Variants in IGSF10 observed in about 807,000 individuals in gnomAD.
IGSF10 encodes immunoglobulin superfamily member 10.
IGSF10 carries 126 observed loss-of-function variants against 128.2 expected under a neutral mutation model. The observed-to-expected ratio is 0.98, with a 90% confidence interval of 0.85 to 1.14. The LOEUF is 1.14. Among genes scored for constraint, IGSF10 ranks in the 50% most tolerant of loss-of-function variants. The pLI, the probability that IGSF10 is intolerant of heterozygous loss-of-function variation, is 0.00. For synonymous variants in IGSF10, 1,185 were observed against 1,146.2 expected (o/e 1.03, Z -0.68); for missense variants, 3,295 against 3,149.8 (o/e 1.05, Z -1.10).
the IGSF10 span, among the ~76,000 whole-genome samples, chr3:151,547,422 A>ATG: frequency 8.3e-5 from 7 of 84,270 alleles, no homozygotes; most frequent in Admixed American, 7.6e-4. Context: ...TTATATAAAT[A>ATG]TATATATACA....
Position 151,458,587 on chromosome 3 carries a change from T to C in IGSF10, c.123A>G (p.Val41=). 6.2e-7 allele frequency: 1 copy of C among 1,614,176 alleles called. No homozygotes were observed. Among genetic ancestry groups the C allele is most frequent in the Non-Finnish European group, 8.5e-7 (1 of 1,180,030 alleles). ...AAGTCAGGTACCGAAATGTGCAGTG[T>C]ACCTCCGTAGGCATATAACAGGCAC... The part of the protein sequence containing the change: ...RRCACYMPTE[V]HCTFRYLTSI... Residue 41 remains valine (V), a synonymous_variant, in exon 3 of 8, where the codon GTA becomes GTG. Transcript: ENST00000282466.
the IGSF10 span, among the ~76,000 whole-genome samples, chr3:151,524,037 A>C: frequency 6.6e-6 from 1 of 152,216 alleles, no homozygotes; most frequent in Non-Finnish European, 1.5e-5. Flanking sequence ...GTGGCCAAGA[A>C]GCATATTTTA....
chr3:151,542,245 C>T, the IGSF10 span, among the ~76,000 whole-genome samples: 2 of 152,088 alleles, frequency 1.3e-5, no homozygotes, highest in Non-Finnish European at 2.9e-5. Context: ...ACCATAAATG[C>T]ATATAAATAC....
chr3:151,505,504 G>T, the IGSF10 span, among the ~76,000 whole-genome samples: 2 of 152,234 alleles, frequency 1.3e-5, no homozygotes, highest in East Asian at 1.9e-4. Flanking sequence ...GAACTGAATA[G>T]AACTGGTTTC....
the IGSF10 span, among the ~76,000 whole-genome samples, chr3:151,528,869 G>C: frequency 6.6e-6 from 1 of 151,098 alleles, no homozygotes; most frequent in Middle Eastern, 3.2e-3. Flanking sequence ...TCACTCCCCT[G>C]GAAAGGGGGG....
chr3:151,446,715 A>G lies in IGSF10; in HGVS notation c.3266T>C (p.Phe1089Ser). ...LSFPSAAPIT[F>S]PKADIARVPS... ...GACTCTAGCAATGTCAGCTTTGGGG[A>G]AGGTGATGGGAGCAGCACTTGGAAA... is the stretch of plus-strand genomic sequence containing the variant. Residue 1089 changes from phenylalanine to serine, a missense_variant, in exon 6 of 8, where the codon TTC becomes TCC. Coordinates refer to ENST00000282466, the MANE Select transcript of IGSF10 (RefSeq NM_178822.5). 1 of 1,613,962 alleles carries G rather than the reference A, an allele frequency of 6.2e-7. No individual in the cohort carries two copies. Among genetic ancestry groups the G allele is most frequent in the Middle Eastern group, 1.6e-4 (1 of 6,062 alleles).
the IGSF10 span, among the ~76,000 whole-genome samples, chr3:151,597,441 A>T: frequency 6.6e-6 from 1 of 152,230 alleles, no homozygotes; most frequent in South Asian, 2.1e-4. Context: ...GTAAATAAAG[A>T]TGAGGAAGAA....
chr3:151,443,224 G>GCA lies in IGSF10; in HGVS notation c.5722_5723insTG (p.Ala1908ValfsTer23). 1 of 1,613,372 alleles carries GCA rather than the reference G, an allele frequency of 6.2e-7. No homozygotes were observed. Among genetic ancestry groups the GCA allele is most frequent in the Non-Finnish European group, 8.5e-7 (1 of 1,179,650 alleles). ...TTCATAAGTGCCCCTGTCTGAAGAG[G>GCA]CTAGGTTTCTTATATACAAAGTCCC... On this transcript the variant is annotated frameshift_variant, in exon 7 of 8. Coordinates refer to ENST00000282466, the MANE Select transcript of IGSF10 (RefSeq NM_178822.5). LOFTEE classifies it high-confidence loss of function.
upstream of IGSF10, among the ~76,000 whole-genome samples, chr3:151,463,515 A>C (rs1175808081): frequency 2.7e-5 from 1 of 37,466 alleles, no homozygotes; most frequent in African/African-American, 1.0e-4. Flanking sequence ...TAAGCCTTAC[A>C]TTTTCTGGTT....
the IGSF10 span, among the ~76,000 whole-genome samples, chr3:151,586,413 A>G: frequency 6.6e-6 from 1 of 152,244 alleles, no homozygotes; most frequent in Admixed American, 6.5e-5. Context: ...TTTCAAAGTT[A>G]AGTGCTATAA....
chr3:151,501,460 GGC>G, the IGSF10 span, among the ~76,000 whole-genome samples: 2 of 151,680 alleles, frequency 1.3e-5, no homozygotes, highest in Non-Finnish European at 2.9e-5. Flanking sequence ...GGTATGCGAA[GGC>G]ATTTAAAAAA....
At position 151,445,501 on chromosome 3, in the gene IGSF10, T is replaced by A. The variant is rs371280701; in HGVS notation, c.4480A>T (p.Ile1494Phe). ...ACTGTATTTGTCATAAGCCCGGAAA[T>A]GGGAGTCGCCACGTTGTCAGTAACT... ...RAVTDNVATP[I>F]SGLMTNTVVK... is the part of the protein sequence containing the mutation. Residue 1494 changes from isoleucine (I) to phenylalanine (F), a missense_variant, in exon 6 of 8, where the codon ATT becomes TTT. By Grantham distance (21) the Ile-to-Phe change is conservative (BLOSUM62 0). Transcript: ENST00000282466. 58 of 1,613,978 alleles carry A rather than the reference T, an allele frequency of 3.6e-5. No individual in the cohort carries two copies. The highest frequency in any genetic ancestry group is 4.7e-5 in the Non-Finnish European group (55 of 1,180,032).
chr3:151,511,890 G>A, the IGSF10 span, among the ~76,000 whole-genome samples: 1 of 152,114 alleles, frequency 6.6e-6, no homozygotes. Context: ...ATGGTAAAGG[G>A]ATCAATTCAA....
At chr3:151,581,392 T>C in the IGSF10 span, among the ~76,000 whole-genome samples, 5 of 152,210 alleles carry the variant, frequency 3.3e-5, no homozygotes, top group Non-Finnish European at 7.3e-5. Context: ...ATAGTTTTTT[T>C]TTAAACTCTG....
chr3:151,557,924 T>TA, the IGSF10 span, among the ~76,000 whole-genome samples: 1 of 144,026 alleles, frequency 6.9e-6, no homozygotes, highest in African/African-American at 2.6e-5. Context: ...TCTTTCTTAT[T>TA]AAAAAAACTC....
the IGSF10 span, among the ~76,000 whole-genome samples, chr3:151,522,050 A>G: frequency 1.3e-5 from 2 of 152,074 alleles, no homozygotes; most frequent in African/African-American, 4.8e-5. Flanking sequence ...AAAGATAAAC[A>G]TCAGAAACTT....
the IGSF10 span, among the ~76,000 whole-genome samples, chr3:151,477,079 G>A: frequency 6.6e-6 from 1 of 152,192 alleles, no homozygotes; most frequent in African/African-American, 2.4e-5. Flanking sequence ...AACGTTGGTT[G>A]TAAGAATTTT....
chr3:151,462,631 A>G (rs188404889), upstream of IGSF10, among the ~76,000 whole-genome samples: 27 of 152,356 alleles, frequency 1.8e-4, no homozygotes, highest in African/African-American at 3.1e-4. Flanking sequence ...GTCTTGCCCT[A>G]TGGTCTGAAC....
At chr3:151,558,732 CA>C in the IGSF10 span, among the ~76,000 whole-genome samples, 1 of 152,070 alleles carries the variant, frequency 6.6e-6, no homozygotes, top group Admixed American at 6.6e-5. Flanking sequence ...CAGAGCTTGC[CA>C]ATGAAAATGT....
Sources: allele counts gnomAD v4.1 joint callset (sites outside exome capture counted in the v4.1 genomes callset), GRCh38; gene constraint gnomAD v4.1.1; transcripts MANE v1.5; gene names NCBI Gene and HGNC (gene_info 2026-07-23, HGNC 2026-07-21).